The following STRAP variants were observed in gnomAD, a reference collection of about 807,000 sequenced individuals.
STRAP encodes the protein serine-threonine kinase receptor-associated protein.
In STRAP, 16 loss-of-function variants were observed where a neutral mutation model predicts 47.0. That is an observed-to-expected ratio of 0.34 (90% CI 0.23 to 0.52). STRAP has a LOEUF of 0.52. STRAP is among the 20% of genes least tolerant of loss of function. The pLI, the probability that STRAP is intolerant of heterozygous loss-of-function variation, is 0.96. For missense variants in STRAP, 293 were observed against 420.0 expected, an observed-to-expected ratio of 0.70 and a Z score of 2.64; for synonymous variants, 130 against 142.7, an observed-to-expected ratio of 0.91 and a Z score of 0.63.
intron 6 of STRAP, among the ~76,000 whole-genome samples, chr12:15,895,751 T>A (rs1317638984): frequency 6.7e-6 from 1 of 149,886 alleles, no homozygotes; most frequent in Non-Finnish European, 1.5e-5. Context: ...GTCCAGCTGC[T>A]TGGGAGGCTG....
At chr12:15,893,665 C>G (rs1948036622) in intron 4 of STRAP, among the ~76,000 whole-genome samples, 1 of 146,494 alleles carries the variant, frequency 6.8e-6, no homozygotes. Flanking sequence ...ATTTATTATA[C>G]TTATACAATT....
At chr12:15,885,995 T>C (rs1228197922) in intron 2 of STRAP, among the ~76,000 whole-genome samples, 2 of 152,210 alleles carry the variant, frequency 1.3e-5, no homozygotes, top group African/African-American at 4.8e-5. Flanking sequence ...GCTAAAGCCT[T>C]CAAACTATTT....
chr12:15,882,792 G>C lies in STRAP; in HGVS notation c.85G>C (p.Gly29Arg). The C allele has an allele frequency of 6.2e-7, 1 of 1,613,650 alleles. No homozygotes were observed. The highest frequency in any genetic ancestry group is 8.5e-7 in the Non-Finnish European group (1 of 1,179,938). The change falls in exon 1 of 10, where the codon GGG becomes CGG. Residue 29 changes from glycine (G) to arginine (R), a missense_variant. By Grantham distance (125) the Gly-to-Arg change is moderately radical. Around this residue, in one of 5 missense-constraint regions of STRAP, gnomAD observed 31 missense variants for 39.2 expected, o/e 0.79. Coordinates refer to ENST00000419869, the MANE Select transcript of STRAP (RefSeq NM_007178.4). ...GGCCTTCAGTGGCATCACGCCTTAT[G>C]GGTATTTCTTAATCAGCGCTTGCAA... ...DLAFSGITPY[G>R]YFLISACKDG...
chr12:15,883,453 A>G (rs1291127822), intron 1 of STRAP, 88 bp from the exon 2 acceptor site: 6 of 1,426,978 alleles, frequency 4.2e-6, no homozygotes, highest in Non-Finnish European at 4.7e-6. Flanking sequence ...CCACTTTGTC[A>G]TTGAACATCA....
intron 4 of STRAP, among the ~76,000 whole-genome samples, chr12:15,891,912 T>G (rs1948018584): frequency 6.6e-6 from 1 of 150,880 alleles, no homozygotes; most frequent in Admixed American, 6.6e-5. Flanking sequence ...CATACCAGCC[T>G]GGGGGACAAG....
At chr12:15,889,280 A>C (rs984349717) in intron 2 of STRAP, among the ~76,000 whole-genome samples, 1 of 152,170 alleles carries the variant, frequency 6.6e-6, no homozygotes, top group Non-Finnish European at 1.5e-5. Context: ...AGAAAAAACA[A>C]TGTAAAGATT....
chr12:15,896,944 C>G lies in STRAP; in HGVS notation c.639-938C>G, dbSNP rs1021792547. 1.3e-5 allele frequency among the ~76,000 whole-genome samples: 2 copies of G among 152,160 alleles called. No homozygotes were observed. The highest frequency in any genetic ancestry group is 4.8e-5 in the African/African-American group (2 of 41,422). On this transcript the variant is annotated intron_variant, in intron 6 of 9. Transcript: ENST00000419869. The surrounding 1 kb of genome is among the most constrained non-coding windows in gnomAD (Gnocchi z 4.1). ...GTAAAATTGGAGGAGAGCAATTAAG[C>G]AATGTCAAGGAGTTTATACACATAC...
In STRAP at chr12:15,887,559, A is replaced by G. The variant is rs577424396; in HGVS notation, c.249-2369A>G. The stretch of plus-strand genomic sequence containing the variant: ...ATAATGGAAATCTGCCAGAGTTAGT[A>G]CATGCCCTGTCAGAAAATGTCATGC... On this transcript the variant is annotated intron_variant, in intron 2 of 9. Coordinates refer to ENST00000419869, the MANE Select transcript of STRAP (RefSeq NM_007178.4). The surrounding 1 kb of genome is among the most constrained non-coding windows in gnomAD (Gnocchi z 5.5). Among the ~76,000 whole-genome samples the G allele has an allele frequency of 1.3e-5, 2 of 152,362 alleles. No homozygotes were observed. The highest frequency in any genetic ancestry group is 3.9e-4 in the East Asian group (2 of 5,190).
intron 8 of STRAP, 54 bp from the exon 9 acceptor site, chr12:15,900,893 G>T: frequency 7.1e-7 from 1 of 1,402,802 alleles, no homozygotes; most frequent in Non-Finnish European, 9.5e-7. Flanking sequence ...TTGAACACTG[G>T]AAATTACTTT....
At position 15,883,030 on chromosome 12, in the gene STRAP, T is replaced by G. The variant is rs547344188; in HGVS notation, c.112+211T>G. On this transcript the variant is annotated intron_variant, in intron 1 of 9. Coordinates refer to ENST00000419869, the MANE Select transcript of STRAP (RefSeq NM_007178.4). ...GAGAGGACGCTTTTGTAGAAACTATTACCTCCAACTAAGACCTCTCTCCTT... is the reference window on the plus strand; with the variant it reads ...GAGAGGACGCTTTTGTAGAAACTATGACCTCCAACTAAGACCTCTCTCCTT... 4 of 1,527,878 alleles carry G rather than the reference T, an allele frequency of 2.6e-6. No homozygotes were observed. In the South Asian group the frequency reaches 3.6e-5, roughly 14 times the overall value. The allele number at this position is 1,527,878 out of a possible 1,614,324, so 94.6% of individuals were successfully genotyped here. A position where few individuals can be genotyped will look rare whatever the true frequency, so the allele number is the denominator to read the frequency against.
At chr12:15,888,616 A>G (rs914415343) in intron 2 of STRAP, among the ~76,000 whole-genome samples, 1 of 152,062 alleles carries the variant, frequency 6.6e-6, no homozygotes, top group African/African-American at 2.4e-5. Flanking sequence ...GCTTATCTAG[A>G]ATAGCCTTCC....
In STRAP at chr12:15,883,543, G is replaced by T; in HGVS notation, c.115G>T (p.Gly39Cys). The T allele has an allele frequency of 1.2e-6, 2 of 1,612,152 alleles. No individual in the cohort carries two copies. The highest frequency in any genetic ancestry group is 1.1e-5 in the South Asian group (1 of 90,606). Residue 39 changes from glycine (G) to cysteine (C), a missense_variant and splice_region_variant, in exon 2 of 10, where the codon GGT becomes TGT. This residue lies in a region of STRAP where 32 missense variants were observed against 76.1 expected (regional missense o/e 0.42). Coordinates refer to ENST00000419869, the MANE Select transcript of STRAP (RefSeq NM_007178.4). ...ATGTTTTAAAAAATATTTTCTAGATGGTAAACCTATGCTACGCCAGGGAGA... is the reference window on the plus strand; with the variant it reads ...ATGTTTTAAAAAATATTTTCTAGATTGTAAACCTATGCTACGCCAGGGAGA... Reference protein sequence around the residue: ...GYFLISACKDGKPMLRQGDTG... With the variant: ...GYFLISACKDCKPMLRQGDTG...
chr12:15,902,884 ACTT>A, intron 9 of STRAP, 30 bp from the exon 10 acceptor site: 2 of 764,366 alleles, frequency 2.6e-6, no homozygotes, highest in Non-Finnish European at 3.9e-6. Context: ...GACTAATGTG[ACTT>A]TTTTTTTTTT....
intron 7 of STRAP, 55 bp downstream of exon 7, chr12:15,898,073 T>C: frequency 6.9e-7 from 1 of 1,449,840 alleles, no homozygotes; most frequent in South Asian, 1.3e-5. Context: ...TAAGTCCCAG[T>C]AATTAACACC....
At chr12:15,893,470 C>T (rs557104181) in intron 4 of STRAP, among the ~76,000 whole-genome samples, 1 of 145,456 alleles carries the variant, frequency 6.9e-6, no homozygotes, top group Non-Finnish European at 1.5e-5. Context: ...TAAATATATA[C>T]TTTTTATTAT....
At chr12:15,900,145 C>G in intron 8 of STRAP, 92 bp downstream of exon 8, 4 of 1,311,924 alleles carry the variant, frequency 3.0e-6, no homozygotes, top group Non-Finnish European at 4.1e-6. Context: ...TTCCTGTTTT[C>G]TATAAATTTT....
At chr12:15,895,781 G>A (rs1366067250) in intron 6 of STRAP, among the ~76,000 whole-genome samples, 2 of 149,004 alleles carry the variant, frequency 1.3e-5, no homozygotes, top group African/African-American at 5.0e-5. Context: ...TTCTATTGCT[G>A]GAGCCTGGGA....
intron 7 of STRAP, 125 bp from the exon 8 acceptor site, chr12:15,899,779 C>CA: frequency 1.2e-6 from 1 of 846,174 alleles, no homozygotes; most frequent in Non-Finnish European, 1.9e-6. Flanking sequence ...TAATTAAGTA[C>CA]AGGTTTTAAT....
rs1947978884 is a variant in STRAP at position 15,887,170 on chromosome 12, G to T, written c.249-2758G>T. Among the ~76,000 whole-genome samples, 1 of 152,118 alleles carries T rather than the reference G, an allele frequency of 6.6e-6. No homozygotes were observed. The highest frequency in any genetic ancestry group is 1.5e-5 in the Non-Finnish European group (1 of 68,012). ...ACTTGGTCAACATGTTAAGGTATTT[G>T]GGCAATTTTTTAAAAATCTTAAACT... On this transcript the variant is annotated intron_variant, in intron 2 of 9. Coordinates refer to ENST00000419869, the MANE Select transcript of STRAP (RefSeq NM_007178.4). This position sits in a 1 kb window ranked among gnomAD's most constrained non-coding sequence, Gnocchi z 5.5.
Sources: gnomAD v4.1 joint callset for allele counts (sites outside exome capture counted in the v4.1 genomes callset) on GRCh38, gnomAD v4.1.1 for gene constraint, gnomAD v4.1.1 regional missense constraint, Gnocchi (gnomAD v3.1) non-coding constraint, MANE v1.5 for transcripts, NCBI Gene and HGNC (gene_info 2026-07-23, HGNC 2026-07-21) for gene names.